The following OPCML variants were observed in gnomAD, a reference collection of about 807,000 sequenced individuals.
OPCML encodes the protein opioid binding protein/cell adhesion molecule like, also known as opioid-binding protein/cell adhesion molecule.
OPCML carries 13 observed loss-of-function variants against 37.8 expected under a neutral mutation model. That is an observed-to-expected ratio of 0.34 (90% confidence interval 0.22 to 0.55). OPCML has a LOEUF of 0.55. Among genes scored for constraint, OPCML ranks in the 20% least tolerant of loss-of-function variants. The pLI is 0.91. For synonymous variants in OPCML, 176 were observed against 168.8 expected (o/e 1.04, Z -0.33); for missense variants, 341 against 435.6 (o/e 0.78, Z 1.93).
At chr11:132,961,204 C>T (rs1350141526) in intron 1 of OPCML, among the ~76,000 whole-genome samples, 1 of 152,076 alleles carries the variant, frequency 6.6e-6, no homozygotes, top group Non-Finnish European at 1.5e-5. Context: ...TGAGCAGCAC[C>T]CTGAGCTGAG....
intron 2 of OPCML, among the ~76,000 whole-genome samples, chr11:132,707,798 G>T (rs1385281812): frequency 6.6e-6 from 1 of 152,080 alleles, no homozygotes; most frequent in Admixed American, 6.5e-5. Context: ...GTTCAGTTCT[G>T]GGTAGCACTC....
chr11:132,452,436 A>C (rs1195512609), intron 4 of OPCML, among the ~76,000 whole-genome samples: 3 of 152,028 alleles, frequency 2.0e-5, no homozygotes, highest in African/African-American at 7.2e-5. Context: ...ACACTGGGTG[A>C]CGATGAAGCT....
chr11:132,477,773 T>G (rs573620135), intron 4 of OPCML, among the ~76,000 whole-genome samples: 3 of 152,222 alleles, frequency 2.0e-5, no homozygotes, highest in Non-Finnish European at 4.4e-5. Context: ...CATAGACTGA[T>G]GTATTAAGGT....
At chr11:132,604,090 A>C (rs1938112886) in intron 3 of OPCML, among the ~76,000 whole-genome samples, 1 of 152,246 alleles carries the variant, frequency 6.6e-6, no homozygotes, top group Non-Finnish European at 1.5e-5. Context: ...TTTGTTAGCA[A>C]ATGATTCTAA....
At chr11:133,274,388 T>C (rs1001769254) in intron 1 of OPCML, among the ~76,000 whole-genome samples, 2 of 151,780 alleles carry the variant, frequency 1.3e-5, no homozygotes, top group African/African-American at 4.8e-5. Flanking sequence ...CAGAGACGTG[T>C]GAGGGAAGAA....
At chr11:132,557,060 G>GA (rs768714537) in intron 3 of OPCML, among the ~76,000 whole-genome samples, 1 of 152,030 alleles carries the variant, frequency 6.6e-6, no homozygotes, top group Non-Finnish European at 1.5e-5. Context: ...GATATTACAA[G>GA]AAAAAAATCT....
intron 1 of OPCML, among the ~76,000 whole-genome samples, chr11:133,318,918 T>A (rs1053856559): frequency 1.3e-5 from 2 of 152,118 alleles, no homozygotes; most frequent in Non-Finnish European, 2.9e-5. Context: ...TCCCAGCTAC[T>A]CGGGAGGCTG....
chr11:133,253,855 C>CTTCCCTTCCCTTCCT (rs2136440176), intron 1 of OPCML, among the ~76,000 whole-genome samples: 1 of 145,058 alleles, frequency 6.9e-6, no homozygotes, highest in South Asian at 2.3e-4. Context: ...CTTCCCTTCC[C>CTTCCCTTCCCTTCCT]TTCCCTTCCC....
intron 3 of OPCML, among the ~76,000 whole-genome samples, chr11:132,554,869 T>TTG (rs1565660684): frequency 9.2e-6 from 1 of 108,948 alleles, no homozygotes; most frequent in African/African-American, 4.9e-5. Context: ...TAAAGTTTTT[T>TTG]TTTTTTTTTT....
chr11:133,518,122 TGGA>T (rs1948321624), intron 1 of OPCML, among the ~76,000 whole-genome samples: 1 of 152,032 alleles, frequency 6.6e-6, no homozygotes, highest in African/African-American at 2.4e-5. Context: ...GTGGTGTGTG[TGGA>T]GAAGAGTGTG....
intron 2 of OPCML, among the ~76,000 whole-genome samples, chr11:132,728,770 T>C (rs1179508087): frequency 2.6e-5 from 4 of 152,156 alleles, no homozygotes; most frequent in Admixed American, 1.3e-4. Flanking sequence ...ATCATAATAA[T>C]ACTGAAAGGT....
At position 133,212,642 on chromosome 11, in the gene OPCML, C is replaced by T. The variant is rs1468017099; in HGVS notation, c.62-269632G>A. Among the ~76,000 whole-genome samples, 1 of 152,226 alleles carries T rather than the reference C, an allele frequency of 6.6e-6. No individual in the cohort carries two copies. Among genetic ancestry groups the T allele is most frequent in the Non-Finnish European group, 1.5e-5 (1 of 68,040 alleles). On this transcript the variant is annotated intron_variant, in intron 1 of 7. Coordinates refer to ENST00000524381, the MANE Select transcript of OPCML (RefSeq NM_001012393.5). This position sits in a 1 kb window ranked among gnomAD's most constrained non-coding sequence, Gnocchi z 4.9. ...ATCTTCTAACAGCCTCTGTGATTTA[C>T]CTTCTCACTGTGACTGTTGTTATTG...
Position 133,496,387 on chromosome 11 carries a change from T to C in OPCML, c.61+35877A>G, listed in dbSNP as rs1296140820. On this transcript the variant is annotated intron_variant, in intron 1 of 7. Coordinates refer to ENST00000524381, the MANE Select transcript of OPCML (RefSeq NM_001012393.5). ...AATCTTGCTTTGGCTATGCAGGTTA[T>C]TTTTTGGTTCCATATGAATTTTAGA... Among the ~76,000 whole-genome samples the C allele has an allele frequency of 2.0e-5, 3 of 152,228 alleles. 1 individual carries two copies. The highest frequency in any genetic ancestry group is 2.0e-4 in the Admixed American group (3 of 15,280).
intron 1 of OPCML, among the ~76,000 whole-genome samples, chr11:133,055,167 C>T (rs1342557065): frequency 5.8e-5 from 5 of 85,840 alleles, no homozygotes; most frequent in Non-Finnish European, 9.7e-5. Context: ...CCGCCTCTAC[C>T]ATATAATGCT....
intron 2 of OPCML, among the ~76,000 whole-genome samples, chr11:132,813,090 TCTC>T (rs1939440477): frequency 6.6e-6 from 1 of 152,184 alleles, no homozygotes; most frequent in Admixed American, 6.6e-5. Flanking sequence ...TCAAATAGGT[TCTC>T]TTTTTTAATA....
intron 1 of OPCML, among the ~76,000 whole-genome samples, chr11:133,416,462 C>A (rs1219534448): frequency 6.6e-6 from 1 of 152,216 alleles, no homozygotes; most frequent in Non-Finnish European, 1.5e-5. Context: ...CCATCCTATT[C>A]AGACCTCACC....
At chr11:132,961,188 G>A (rs370302405) in intron 1 of OPCML, among the ~76,000 whole-genome samples, 6 of 152,294 alleles carry the variant, frequency 3.9e-5, no homozygotes, top group Admixed American at 2.0e-4. Flanking sequence ...CACTGACACA[G>A]ACATGTGAGC....
intron 1 of OPCML, among the ~76,000 whole-genome samples, chr11:133,486,856 C>T (rs1565661580): frequency 2.1e-5 from 3 of 144,640 alleles, no homozygotes; most frequent in Non-Finnish European, 4.5e-5. Flanking sequence ...TCTCTCTTCT[C>T]TCTCTCTCTT....
chr11:132,871,667 G>C (rs1266592744), intron 2 of OPCML, among the ~76,000 whole-genome samples: 1 of 152,218 alleles, frequency 6.6e-6, no homozygotes, highest in Non-Finnish European at 1.5e-5. Flanking sequence ...CGCCACCGAT[G>C]TTAGGCACTT....
Sources: gnomAD v4.1 joint callset for allele counts (sites outside exome capture counted in the v4.1 genomes callset) on GRCh38, gnomAD v4.1.1 for gene constraint, Gnocchi (gnomAD v3.1) non-coding constraint, MANE v1.5 for transcripts, NCBI Gene and HGNC (gene_info 2026-07-23, HGNC 2026-07-21) for gene names.